The following THY1 variants were observed in gnomAD, a reference collection of about 807,000 sequenced individuals.
THY1 encodes Thy-1 cell surface antigen, also known as thy-1 membrane glycoprotein.
In THY1, 10 loss-of-function variants were observed where a neutral mutation model predicts 14.9. That is an observed-to-expected ratio of 0.67 (90% CI 0.41 to 1.14). The LOEUF (loss-of-function observed/expected upper bound fraction) is 1.14, where lower values mean the gene tolerates loss of function less well. THY1 is among the 50% of genes most tolerant of loss of function. THY1 has a pLI of 0.00. For synonymous variants in THY1, 80 were observed against 90.0 expected (o/e 0.89, Z 0.63); for missense variants, 159 against 202.1 (o/e 0.79, Z 1.29).
At chr11:119,423,485 G>A, upstream of THY1, 1 of 339,818 alleles carries the variant, frequency 2.9e-6, no homozygotes, top group Non-Finnish European at 5.8e-6. Flanking sequence ...CCCTTTTAAG[G>A]CTTTAACCCT....
chr11:119,420,002 C>A, intron 3 of THY1, 49 bp downstream of exon 3: 1 of 1,564,724 alleles, frequency 6.4e-7, no homozygotes, highest in South Asian at 1.2e-5. Context: ...CTGCTGTCCC[C>A]GAGCCTGGCT....
upstream of THY1, chr11:119,423,830 C>T (rs1591362175): frequency 6.5e-6 from 1 of 153,016 alleles, no homozygotes; most frequent in African/African-American, 2.4e-5. Flanking sequence ...ATTACGTCTT[C>T]TTCAGCCCCT....
chr11:119,421,156 G>A (rs1565326819), intron 1 of THY1: 8 of 468,306 alleles, frequency 1.7e-5, no homozygotes, highest in African/African-American at 5.9e-5. Context: ...GTGTTTCTGC[G>A]CTTGGCCATG....
In THY1 at chr11:119,420,183, T is replaced by A. The variant is rs2135435202; in HGVS notation, c.241A>T (p.Thr81Ser). 1 of 1,614,242 alleles carries A rather than the reference T, an allele frequency of 6.2e-7. No homozygotes were observed. The highest frequency in any genetic ancestry group is 2.2e-5 in the East Asian group (1 of 44,892). ...EHTYRSRTNF[T>S]SKYNMKVLYL... ...AGGACCTTCATGTTGTATTTGCTGG[T>A]GAAGTTGGTTCGGGAGCGGTATGTG... Residue 81 changes from threonine (T) to serine (S), a missense_variant, in exon 3 of 4, where the codon ACC (threonine) becomes TCC (serine). Coordinates refer to ENST00000284240, the MANE Select transcript of THY1 (RefSeq NM_006288.5).
intron 2 of THY1, 21 bp downstream of exon 2, chr11:119,420,848 G>A (rs1861886130): frequency 6.2e-7 from 1 of 1,614,134 alleles, no homozygotes; most frequent in Non-Finnish European, 8.5e-7. Flanking sequence ...TGGAGCCCCA[G>A]TCCTGCCCCA....
At chr11:119,421,704 C>T (rs773727634) in intron 1 of THY1, 5 of 152,248 alleles carry the variant, frequency 3.3e-5, no homozygotes, top group Non-Finnish European at 7.3e-5. Flanking sequence ...TCGCCATCCC[C>T]AGTGGATGGC....
intron 2 of THY1, 26 bp downstream of exon 2, chr11:119,420,843 C>T: frequency 1.2e-6 from 2 of 1,613,892 alleles, no homozygotes; most frequent in Non-Finnish European, 1.7e-6. Flanking sequence ...GCGCCTGGAG[C>T]CCCAGTCCTG....
chr11:119,423,015 G>T, intron 1 of THY1, 98 bp downstream of exon 1: 2 of 455,734 alleles, frequency 4.4e-6, no homozygotes, highest in South Asian at 3.1e-5. Flanking sequence ...TTCCCTGGGC[G>T]CCCTCGGACC....
rs1399669248 is a variant in THY1, at chr11:119,416,261, C to T, written c.*3147G>A. ...GGGGGACCCAGGAAAGAGGTTAGGA[C>T]TGGCGAGGGAGTGGATGGGGATGGG... On this transcript the variant is annotated 3_prime_UTR_variant, in exon 4 of 4. Coordinates refer to ENST00000284240, the MANE Select transcript of THY1 (RefSeq NM_006288.5). Among the ~76,000 whole-genome samples the T allele has an allele frequency of 6.6e-6, 1 of 152,078 alleles. No homozygotes were observed. Among genetic ancestry groups the T allele is most frequent in the African/African-American group, 2.4e-5 (1 of 41,412 alleles).
At chr11:119,424,720 G>A (rs1861983704), upstream of THY1, among the ~76,000 whole-genome samples, 1 of 151,994 alleles carries the variant, frequency 6.6e-6, no homozygotes, top group Non-Finnish European at 1.5e-5. Context: ...CTTTTCTCAC[G>A]CTCCCCAGGA....
At chr11:119,419,552 T>C in intron 3 of THY1, 32 bp from the exon 4 acceptor site, 1 of 1,582,314 alleles carries the variant, frequency 6.3e-7, no homozygotes, top group Non-Finnish European at 8.7e-7. Context: ...GGGGGCAGGG[T>C]AGGAAGGAAG....
rs1397515202 is a variant in THY1, at chr11:119,419,267, A to G, written c.*141T>C. On this transcript the variant is annotated 3_prime_UTR_variant, in exon 4 of 4. Transcript: ENST00000284240. ...ACGTGGGTAGATAATCGCATGCAGC[A>G]CTGGAACTCCTGATGAGGGGTGGGG... 2 of 753,284 alleles carry G rather than the reference A, an allele frequency of 2.7e-6. No homozygotes were observed. The highest frequency in any genetic ancestry group is 3.5e-5 in the African/African-American group (2 of 57,840). 46.7% of individuals were successfully genotyped at this position (753,284 alleles called of 1,614,324 possible).
rs898898510 is a variant in THY1 at position 119,416,771 on chromosome 11, G to A, written c.*2637C>T. Among the ~76,000 whole-genome samples, 7 of 152,198 alleles carry A rather than the reference G, an allele frequency of 4.6e-5. No individual in the cohort carries two copies. Among genetic ancestry groups the A allele is most frequent in the African/African-American group, 1.4e-4 (6 of 41,456 alleles). On this transcript the variant is annotated 3_prime_UTR_variant, in exon 4 of 4. Transcript: ENST00000284240. ...TGTGCCCATCTCTGGGTAGGTTTGC[G>A]TTGTGAGGCCTGATGCCCTGTTCTT...
Position 119,422,960 on chromosome 11 carries a change from G to A in THY1, c.-25+153C>T, listed in dbSNP as rs1206828409. On this transcript the variant is annotated intron_variant, in intron 1 of 3. Transcript: ENST00000284240. This position sits in a 1 kb window ranked among gnomAD's most constrained non-coding sequence, Gnocchi z 7.0. ...TGCCCTGCAGAAGCATCCCCCTCCC[G>A]CCCCTGCCTGGAAAGCAGGCCCCTC... 2.0e-5 allele frequency among the ~76,000 whole-genome samples: 3 copies of A among 151,196 alleles called. No individual in the cohort carries two copies. Among genetic ancestry groups the A allele is most frequent in the African/African-American group, 7.3e-5 (3 of 41,266 alleles).
Position 119,419,455 on chromosome 11 carries a change from G to C in THY1, c.439C>G (p.Leu147Val). The change falls in exon 4 of 4, where the codon CTG (leucine) becomes GTG (valine). Residue 147 changes from leucine to valine, a missense_variant. By Grantham distance (32) the Leu-to-Val change is conservative. Transcript: ENST00000284240. ...AQNTSWLLLL[L>V]LSLSLLQATD... ...GCCTGGAGGAGGGAGAGGGAGAGCA[G>C]GAGCAGCAGCAGCCACGAGGTGTTC... The C allele has an allele frequency of 3.1e-6, 5 of 1,614,002 alleles. No homozygotes were observed. Among genetic ancestry groups the C allele is most frequent in the Non-Finnish European group, 4.2e-6 (5 of 1,180,022 alleles).
At chr11:119,423,575 C>T (rs1861957914), upstream of THY1, 1 of 210,744 alleles carries the variant, frequency 4.7e-6, no homozygotes, top group Non-Finnish European at 9.6e-6. Flanking sequence ...AGCGCCCACG[C>T]CTCCACATTT....
intron 1 of THY1, chr11:119,421,771 C>A (rs956367016): frequency 6.6e-6 from 1 of 152,206 alleles, no homozygotes; most frequent in Admixed American, 6.5e-5. Flanking sequence ...CTATTCCTAT[C>A]TGGATAGGAC....
upstream of THY1, chr11:119,423,877 C>T (rs1364141484): frequency 1.3e-5 from 2 of 152,782 alleles, no homozygotes; most frequent in African/African-American, 2.4e-5. Context: ...CTGGAAGGTT[C>T]TTCTGGCTTT....
In THY1 at chr11:119,416,618, G is replaced by T. The variant is rs1861783087; in HGVS notation, c.*2790C>A. Among the ~76,000 whole-genome samples, 1 of 152,176 alleles carries T rather than the reference G, an allele frequency of 6.6e-6. No individual in the cohort carries two copies. The highest frequency in any genetic ancestry group is 2.1e-4 in the South Asian group (1 of 4,836). ...GCCTCCTGAGTAGCTGGGATTACAG[G>T]CGCAGGCCACCATGCCTGGCTAATT... is the stretch of plus-strand genomic sequence containing the variant. On this transcript the variant is annotated 3_prime_UTR_variant, in exon 4 of 4. Coordinates refer to ENST00000284240, the MANE Select transcript of THY1 (RefSeq NM_006288.5).
Sources: gnomAD v4.1 joint callset for allele counts (sites outside exome capture counted in the v4.1 genomes callset) on GRCh38, gnomAD v4.1.1 for gene constraint, Gnocchi (gnomAD v3.1) non-coding constraint, MANE v1.5 for transcripts, NCBI Gene and HGNC (gene_info 2026-07-23, HGNC 2026-07-21) for gene names.